The following TBXAS1 variants were observed in gnomAD, a reference collection of about 807,000 sequenced individuals.
The protein encoded by TBXAS1 is thromboxane A synthase 1.
In TBXAS1, 48 loss-of-function variants were observed where a neutral mutation model predicts 60.7. The observed-to-expected ratio is 0.79, with a 90% CI of 0.63 to 1.01. The LOEUF (loss-of-function observed/expected upper bound fraction) is 1.01. Among genes scored for constraint, TBXAS1 ranks in the 50% least tolerant of loss-of-function variants. The probability of loss-of-function intolerance (pLI) is 0.00; values close to 1 mark genes in which losing one functional copy is unlikely to be tolerated. For synonymous variants in TBXAS1, 287 were observed against 269.7 expected, an observed-to-expected ratio of 1.06 and a Z score of -0.63; for missense variants, 685 against 686.3, an observed-to-expected ratio of 1.00 and a Z score of 0.02.
chr7:140,020,098 GAC>G lies in TBXAS1; in HGVS notation c.*3_*4del. 1 of 1,613,528 alleles carries G rather than the reference GAC, an allele frequency of 6.2e-7. No homozygotes were observed. Among genetic ancestry groups the G allele is most frequent in the South Asian group, 1.1e-5 (1 of 91,052 alleles). On this transcript the variant is annotated stop_retained_variant and 3_prime_UTR_variant, in exon 13 of 13. Transcript: ENST00000448866. The stretch of plus-strand genomic sequence containing the variant: ...GTCTATATCAAGATCGTATCCCGCT[GAC>G]ACAGAAGGCTGCCGGGTGGGGGGAG...
chr7:139,911,922 C>T (rs565450760), intron 4 of TBXAS1, among the ~76,000 whole-genome samples: 28 of 152,218 alleles, frequency 1.8e-4, no homozygotes, highest in African/African-American at 6.5e-4. Context: ...AAAGGATGGG[C>T]GAGGTGACAG....
intron 9 of TBXAS1, among the ~76,000 whole-genome samples, chr7:139,976,973 G>A (rs1811609256): frequency 6.6e-6 from 1 of 152,088 alleles, no homozygotes; most frequent in Admixed American, 6.6e-5. Flanking sequence ...CCCAACCAGA[G>A]AGCCAAAAAC....
At chr7:139,886,554 C>T (rs942503410) in intron 3 of TBXAS1, among the ~76,000 whole-genome samples, 1 of 152,030 alleles carries the variant, frequency 6.6e-6, no homozygotes, top group African/African-American at 2.4e-5. Context: ...ACTACTTGGC[C>T]TACTGGAGAT....
In TBXAS1 at chr7:139,957,701, T is replaced by G. The variant is rs768745298; in HGVS notation, c.756T>G (p.Asn252Lys). The change falls in exon 8 of 13, where the codon AAT (asparagine) becomes AAG (lysine). Residue 252 changes from asparagine (N) to lysine (K), a missense_variant. Asn to Lys is a moderately conservative substitution (Grantham distance 94). Transcript: ENST00000448866. ...ILPNKNRDEL[N>K]GFFNKLIRNV... Reference sequence around the variant, plus strand: ...CCAATAAGAACCGAGACGAACTGAATGGCTTTTTTAACAAACTCATTAGGA... The same window carrying G: ...CCAATAAGAACCGAGACGAACTGAAGGGCTTTTTTAACAAACTCATTAGGA... 5.6e-6 allele frequency: 9 copies of G among 1,613,892 alleles called. No homozygotes were observed. The highest frequency in any genetic ancestry group is 7.6e-6 in the Non-Finnish European group (9 of 1,180,018).
chr7:139,892,824 G>A (rs1803744810), intron 3 of TBXAS1, among the ~76,000 whole-genome samples: 2 of 152,032 alleles, frequency 1.3e-5, no homozygotes, highest in South Asian at 4.1e-4. Context: ...TACCTCACCA[G>A]CTCGGGGTGA....
At chr7:139,889,316 AG>A (rs1301917245) in intron 3 of TBXAS1, among the ~76,000 whole-genome samples, 2 of 151,920 alleles carry the variant, frequency 1.3e-5, no homozygotes, top group African/African-American at 4.8e-5. Context: ...TCGAAAAAAA[AG>A]GAAAAAAAAA....
At chr7:139,869,076 G>T (rs777518161) in intron 1 of TBXAS1, among the ~76,000 whole-genome samples, 1 of 152,110 alleles carries the variant, frequency 6.6e-6, no homozygotes, top group African/African-American at 2.4e-5. Context: ...TAGGTTTATA[G>T]GCATGAGCCA....
chr7:140,019,982 G>A (rs1815421346), intron 12 of TBXAS1, 43 bp from the exon 13 acceptor site: 2 of 1,579,604 alleles, frequency 1.3e-6, no homozygotes, highest in Non-Finnish European at 1.7e-6. Context: ...ACAGTGAGAT[G>A]CTACTATCTC....
chr7:139,899,338 C>G (rs185978135), intron 3 of TBXAS1, among the ~76,000 whole-genome samples: 4 of 152,204 alleles, frequency 2.6e-5, no homozygotes, highest in Non-Finnish European at 5.9e-5. Flanking sequence ...GTCTATAGCT[C>G]GGTCACCCCT....
chr7:139,956,826 T>A (rs895799735), intron 7 of TBXAS1, among the ~76,000 whole-genome samples: 2 of 152,234 alleles, frequency 1.3e-5, no homozygotes, highest in Non-Finnish European at 2.9e-5. Flanking sequence ...CTTCTATTTC[T>A]CCTCTCTGCC....
At chr7:139,797,430 A>C (rs1352801695) in intron 4 of TBXAS1, 2 of 152,206 alleles carry the variant, frequency 1.3e-5, no homozygotes, top group Non-Finnish European at 2.9e-5. Context: ...TTGGCCCTGC[A>C]TTGATCCTCA....
At chr7:139,831,377 A>G (rs1798691533) in intron 1 of TBXAS1, among the ~76,000 whole-genome samples, 1 of 152,172 alleles carries the variant, frequency 6.6e-6, no homozygotes, top group Non-Finnish European at 1.5e-5. Flanking sequence ...TCAGCCACTA[A>G]GCAACAGCCA....
chr7:140,006,230 G>A (rs2116379746), intron 9 of TBXAS1, among the ~76,000 whole-genome samples: 1 of 152,308 alleles, frequency 6.6e-6, no homozygotes. Context: ...TTCCACCTCT[G>A]TGGGCAAACT....
At chr7:139,829,103 T>C, upstream of TBXAS1, 1 of 502,044 alleles carries the variant, frequency 2.0e-6, no homozygotes, top group South Asian at 1.7e-5. Context: ...GAAGTTTGCT[T>C]TTCTTCTCTG....
chr7:139,843,963 A>G (rs1799635572), intron 1 of TBXAS1, among the ~76,000 whole-genome samples: 1 of 152,200 alleles, frequency 6.6e-6, no homozygotes, highest in Non-Finnish European at 1.5e-5. Context: ...AGGGAAATAA[A>G]TCTTGATTCA....
intron 4 of TBXAS1, among the ~76,000 whole-genome samples, chr7:139,911,983 C>A (rs1052557838): frequency 1.3e-5 from 2 of 152,222 alleles, no homozygotes; most frequent in African/African-American, 4.8e-5. Context: ...GTAGTCCCCA[C>A]ACTTTGGGAG....
At chr7:139,943,870 T>C (rs1808482786) in intron 5 of TBXAS1, among the ~76,000 whole-genome samples, 15 of 152,168 alleles carry the variant, frequency 9.9e-5, no homozygotes, top group Admixed American at 9.8e-4. Context: ...ATTAATTTTT[T>C]CATTTTAAAA....
intron 3 of TBXAS1, among the ~76,000 whole-genome samples, chr7:139,892,388 C>G (rs1170038568): frequency 6.6e-6 from 1 of 152,030 alleles, no homozygotes; most frequent in Non-Finnish European, 1.5e-5. Flanking sequence ...GTCAGGAGTT[C>G]GAGACCAGCC....
intron 4 of TBXAS1, chr7:139,913,166 C>T (rs746468929): frequency 1.4e-5 from 10 of 702,274 alleles, no homozygotes; most frequent in Non-Finnish European, 2.6e-5. Flanking sequence ...TCAGGATGGC[C>T]GAAGGAATTG....
Sources: gnomAD v4.1 joint callset for allele counts (sites outside exome capture counted in the v4.1 genomes callset) on GRCh38, gnomAD v4.1.1 for gene constraint, MANE v1.5 for transcripts, NCBI Gene and HGNC (gene_info 2026-07-23, HGNC 2026-07-21) for gene names.